The following THBS4 variants were observed in gnomAD, a reference collection of about 807,000 sequenced individuals.
The protein encoded by THBS4 is thrombospondin 4.
A neutral mutation model predicts 115.7 loss-of-function variants in THBS4; 90 were observed. The observed-to-expected ratio is 0.78, with a 90% confidence interval of 0.66 to 0.93. The LOEUF is 0.93. THBS4 is among the 40% of genes least tolerant of loss of function. The pLI, the probability that THBS4 is intolerant of heterozygous loss-of-function variation, is 0.00. For missense variants in THBS4, 1,087 were observed against 1,232.7 expected, an observed-to-expected ratio of 0.88 and a Z score of 1.77; for synonymous variants, 460 against 479.3, an observed-to-expected ratio of 0.96 and a Z score of 0.53.
intron 2 of THBS4, among the ~76,000 whole-genome samples, chr5:79,999,906 T>C (rs1831863589): frequency 6.6e-6 from 1 of 152,174 alleles, no homozygotes; most frequent in Non-Finnish European, 1.5e-5. Context: ...TTTTGAGTAA[T>C]GGAAGTGAGT....
chr5:80,007,689 A>G (rs1265739528), intron 2 of THBS4, among the ~76,000 whole-genome samples: 1 of 152,208 alleles, frequency 6.6e-6, no homozygotes, highest in African/African-American at 2.4e-5. Context: ...AGCCCAGAGA[A>G]TCATTGAGAG....
Position 80,036,023 on chromosome 5 carries a change from G to A in THBS4, c.88+398G>A, listed in dbSNP as rs1008607315. 8 of 1,001,422 alleles carry A rather than the reference G, an allele frequency of 8.0e-6. No individual in the cohort carries two copies. The African/African-American group carries it at 1.4e-4, about 17-fold the overall frequency. The allele number at this position is 1,001,422 out of a possible 1,614,324, so 62.0% of individuals were successfully genotyped here. ...TTGCTCCCTAAATCCTTCCTCAGGC[G>A]GAGCGATGTATGCCCAGAGTCTGCT... On this transcript the variant is annotated intron_variant, in intron 1 of 21. Transcript: ENST00000350881.
chr5:80,020,941 A>T (rs1215079494), intron 2 of THBS4, among the ~76,000 whole-genome samples: 1 of 152,248 alleles, frequency 6.6e-6, no homozygotes, highest in Admixed American at 6.5e-5. Context: ...AAATTGTAAT[A>T]TGTAATCTTG....
Position 80,083,082 on chromosome 5 carries a change from A to G in THBS4, c.2827A>G (p.Thr943Ala). The G allele has an allele frequency of 1.2e-6, 2 of 1,613,962 alleles. No homozygotes were observed. The highest frequency in any genetic ancestry group is 1.1e-5 in the South Asian group (1 of 91,080). The change falls in exon 22 of 22, where the codon ACC becomes GCC. Residue 943 changes from threonine (T) to alanine (A), a missense_variant and splice_region_variant. Coordinates refer to ENST00000350881, the MANE Select transcript of THBS4 (RefSeq NM_003248.6). ...CCCTGTGCCCATTCCTATTGCAGAC[A>G]CCATCCCTGAGGACTTCCAAGAGTT... The part of the protein sequence containing the change: ...WSNLKYRCND[T>A]IPEDFQEFQT...
chr5:80,036,150 G>A, intron 1 of THBS4: 1 of 985,524 alleles, frequency 1.0e-6, no homozygotes, highest in South Asian at 4.7e-5. Flanking sequence ...TTTATTTCAA[G>A]GATTGGCTTG....
rs1424596345 is a variant in THBS4, at chr5:80,025,291, TG to T, written n.178-14785del. ...GCATGAATATGAGTACAAGGACATA[TG>T]TATTAGAACATTGTGGTGTGCAAAA... is the stretch of plus-strand genomic sequence containing the variant. On this transcript the variant is annotated intron_variant and non_coding_transcript_variant, in intron 2 of 3. Coordinates refer to the THBS4 transcript ENST00000510218. 6.6e-5 allele frequency among the ~76,000 whole-genome samples: 10 copies of T among 152,308 alleles called. No homozygotes were observed. In the East Asian group the frequency reaches 1.7e-3, roughly 26 times the overall value.
At chr5:80,039,723 G>C (rs763321950) in intron 1 of THBS4, among the ~76,000 whole-genome samples, 5 of 152,198 alleles carry the variant, frequency 3.3e-5, no homozygotes, top group Non-Finnish European at 7.3e-5. Context: ...CAATGGCTTG[G>C]ATGCTTTCAC....
chr5:80,037,240 C>CT (rs1454218349), intron 1 of THBS4, among the ~76,000 whole-genome samples: 1 of 152,024 alleles, frequency 6.6e-6, no homozygotes, highest in African/African-American at 2.4e-5. Context: ...TGAACTCGGC[C>CT]TATACAACCT....
At chr5:80,018,646 C>T (rs774969814) in intron 2 of THBS4, among the ~76,000 whole-genome samples, 84 of 152,082 alleles carry the variant, frequency 5.5e-4, no homozygotes, top group African/African-American at 1.9e-3. Flanking sequence ...CTGCCCACCT[C>T]GGCCTTCCAA....
intron 2 of THBS4, among the ~76,000 whole-genome samples, chr5:80,045,444 G>A (rs1230101632): frequency 6.6e-6 from 1 of 151,640 alleles, no homozygotes. Context: ...TAAGAGAGAT[G>A]GTAGAGCTTA....
chr5:80,082,163 A>G, intron 20 of THBS4: 1 of 421,480 alleles, frequency 2.4e-6, no homozygotes, highest in Non-Finnish European at 4.2e-6. Context: ...GAAGTTGGGA[A>G]GAAACACCCC....
chr5:80,071,681 CACACAT>C (rs1371533039), intron 13 of THBS4: 5 of 164,000 alleles, frequency 3.0e-5, no homozygotes, highest in Admixed American at 5.8e-5. Context: ...CACACACACA[CACACAT>C]ACACCACTCC....
intron 3 of THBS4, among the ~76,000 whole-genome samples, chr5:80,056,914 T>A (rs983867327): frequency 1.3e-5 from 2 of 152,202 alleles, no homozygotes; most frequent in African/African-American, 4.8e-5. Flanking sequence ...TAAGCAATAA[T>A]TTCCATTGCA....
intron 2 of THBS4, among the ~76,000 whole-genome samples, chr5:80,054,816 G>T (rs1342231207): frequency 6.6e-6 from 1 of 152,128 alleles, no homozygotes; most frequent in Non-Finnish European, 1.5e-5. Context: ...ATGGGTTGCT[G>T]AGGGACGATA....
chr5:80,003,524 G>A (rs1242625048), intron 2 of THBS4, among the ~76,000 whole-genome samples: 2 of 152,146 alleles, frequency 1.3e-5, no homozygotes, highest in African/African-American at 4.8e-5. Context: ...TCAAGCAGCT[G>A]CCATGGTATT....
At chr5:80,072,704 G>A in intron 14 of THBS4, 1 of 353,726 alleles carries the variant, frequency 2.8e-6, no homozygotes, top group Non-Finnish European at 5.3e-6. Flanking sequence ...TTAACCATTG[G>A]GAGCCTTGTG....
chr5:80,061,108 T>C lies in THBS4; in HGVS notation c.988-587T>C, dbSNP rs1338271706. On this transcript the variant is annotated intron_variant, in intron 7 of 21. Coordinates refer to ENST00000350881, the MANE Select transcript of THBS4 (RefSeq NM_003248.6). Reference sequence around the variant, plus strand: ...TTATCTGTGAGGTAGAATTTTCCTCTTTCTGAAAGGGCAGGAAGTGGTCAT... The same window carrying C: ...TTATCTGTGAGGTAGAATTTTCCTCCTTCTGAAAGGGCAGGAAGTGGTCAT... Among the ~76,000 whole-genome samples the C allele has an allele frequency of 2.6e-5, 4 of 152,164 alleles. No homozygotes were observed. In the East Asian group the frequency reaches 7.7e-4, roughly 29 times the overall value.
At chr5:79,993,794 G>A (rs1232408749) in intron 1 of THBS4, among the ~76,000 whole-genome samples, 1 of 152,188 alleles carries the variant, frequency 6.6e-6, no homozygotes, top group African/African-American at 2.4e-5. Flanking sequence ...AAATGGTGCT[G>A]TTGGGAAAGA....
chr5:80,072,510 A>G lies in THBS4; in HGVS notation c.1839+114A>G, dbSNP rs1242355545. 23 of 926,416 alleles carry G rather than the reference A, an allele frequency of 2.5e-5. No individual in the cohort carries two copies. The East Asian group carries it at 4.4e-4, about 18-fold the overall frequency. 57.4% of individuals were successfully genotyped at this position (926,416 alleles called of 1,614,324 possible). On this transcript the variant is annotated intron_variant, in intron 14 of 21. Coordinates refer to ENST00000350881, the MANE Select transcript of THBS4 (RefSeq NM_003248.6). ...GCCTCTTAGCTGTTGCCACTTACCT[A>G]ACAAAGCAGAGGTGGAAAAATGACA...
Sources: gnomAD v4.1 joint callset for allele counts (sites outside exome capture counted in the v4.1 genomes callset) on GRCh38, gnomAD v4.1.1 for gene constraint, MANE v1.5 for transcripts, NCBI Gene and HGNC (gene_info 2026-07-23, HGNC 2026-07-21) for gene names.